The following PSMD3 variants were observed in gnomAD, a reference collection of about 807,000 sequenced individuals.
PSMD3 encodes proteasome 26S subunit, non-ATPase 3, also known as 26S proteasome non-ATPase regulatory subunit 3.
In PSMD3, 5 loss-of-function variants were observed where a neutral mutation model predicts 62.8. That is an observed-to-expected ratio of 0.08 (90% CI 0.04 to 0.17). The LOEUF (loss-of-function observed/expected upper bound fraction) is 0.17, where lower values mean the gene tolerates loss of function less well. PSMD3 is among the 10% of genes least tolerant of loss of function. PSMD3 has a pLI of 1.00. For synonymous variants in PSMD3, 265 were observed against 283.9 expected (o/e 0.93, Z 0.67); for missense variants, 524 against 713.6 (o/e 0.73, Z 3.03).
At position 39,996,750 on chromosome 17, in the gene PSMD3, T is replaced by C. The variant is rs1404439664; in HGVS notation, c.1476+412T>C. 2.1e-6 allele frequency: 1 copy of C among 468,736 alleles called. No homozygotes were observed. Among genetic ancestry groups the C allele is most frequent in the Non-Finnish European group, 4.2e-6 (1 of 235,838 alleles). 29.0% of individuals were successfully genotyped at this position (468,736 alleles called of 1,614,324 possible). On this transcript the variant is annotated intron_variant, in intron 10 of 11. Transcript: ENST00000264639. The surrounding 1 kb of genome is among the most constrained non-coding windows in gnomAD (Gnocchi z 5.1). ...CTGTATTGAGGCACTTAGCGAAGTC[T>C]AAATTGTAAAAAAGATGGCGCTGGT... is the stretch of plus-strand genomic sequence containing the variant.
At position 39,980,855 on chromosome 17, in the gene PSMD3, G is replaced by C; in HGVS notation, c.-116G>C. Reference sequence around the variant, plus strand: ...GTTTGCAGCTGCTCCGTCATCGTGCGGCCCGACGCTATCTCGCGCTCGTGT... The same window carrying C: ...GTTTGCAGCTGCTCCGTCATCGTGCCGCCCGACGCTATCTCGCGCTCGTGT... On this transcript the variant is annotated 5_prime_UTR_variant, in exon 1 of 12. Transcript: ENST00000264639. 1 of 940,988 alleles carries C rather than the reference G, an allele frequency of 1.1e-6. No individual in the cohort carries two copies. Among genetic ancestry groups the C allele is most frequent in the African/African-American group, 1.8e-5 (1 of 56,890 alleles). 58.3% of individuals were successfully genotyped at this position (940,988 alleles called of 1,614,324 possible). A position where few individuals can be genotyped will look rare whatever the true frequency, so the allele number is the denominator to read the frequency against.
chr17:39,990,229 C>A, intron 6 of PSMD3, 32 bp downstream of exon 6: 18 of 1,156,178 alleles, frequency 1.6e-5, no homozygotes, highest in Non-Finnish European at 2.0e-5. Context: ...CCCTTTGCCT[C>A]TTTTTTTTTT....
intron 6 of PSMD3, chr17:39,994,429 A>G (rs1375178094): frequency 6.2e-6 from 1 of 162,552 alleles, no homozygotes; most frequent in Non-Finnish European, 1.4e-5. Flanking sequence ...CCAGGTTTCC[A>G]GTTACCCTTC....
Position 39,996,189 on chromosome 17 carries a change from C to G in PSMD3, c.1327C>G (p.Arg443Gly). 1 of 1,613,800 alleles carries G rather than the reference C, an allele frequency of 6.2e-7. No homozygotes were observed. Among genetic ancestry groups the G allele is most frequent in the Non-Finnish European group, 8.5e-7 (1 of 1,179,976 alleles). The change falls in exon 10 of 12, where the codon CGG becomes GGG. Residue 443 changes from arginine to glycine, a missense_variant. Arg to Gly is a moderately radical substitution (Grantham distance 125). Coordinates refer to ENST00000264639, the MANE Select transcript of PSMD3 (RefSeq NM_002809.4). This position sits in a 1 kb window ranked among gnomAD's most constrained non-coding sequence, Gnocchi z 5.1. Reference sequence around the variant, plus strand: ...CCTCTTTGGGGGCCTGCAGGCCATCCGGGATGGTGTCATTGAGGCCAGCAT... The same window carrying G: ...CCTCTTTGGGGGCCTGCAGGCCATCGGGGATGGTGTCATTGAGGCCAGCAT... ...DAEFIVAKAI[R>G]DGVIEASINH...
Position 39,988,922 on chromosome 17 carries a change from G to GT in PSMD3, c.686+104dup, listed in dbSNP as rs530866490. ...TGCAGAGGGCGAAGAACCTGTAGATGTAAGCAGGGAAGAGGGGCAGTGGTT... is the reference window on the plus strand; with the variant it reads ...TGCAGAGGGCGAAGAACCTGTAGATGTTAAGCAGGGAAGAGGGGCAGTGGTT... On this transcript the variant is annotated intron_variant, in intron 4 of 11. Coordinates refer to ENST00000264639, the MANE Select transcript of PSMD3 (RefSeq NM_002809.4). The GT allele has an allele frequency of 1.7e-3, 2,512 of 1,461,476 alleles. 1 individual carries two copies. Among genetic ancestry groups the GT allele is most frequent in the Non-Finnish European group, 2.2e-3 (2,368 of 1,066,652 alleles). The allele number at this position is 1,461,476 out of a possible 1,614,324, so 90.5% of individuals were successfully genotyped here.
rs192765908 is a variant in PSMD3 at position 39,993,140 on chromosome 17, G to A, written c.982-1814G>A. On this transcript the variant is annotated intron_variant, in intron 6 of 11. Coordinates refer to ENST00000264639, the MANE Select transcript of PSMD3 (RefSeq NM_002809.4). ...TTGGTTTCTTCTGAGGGCCTCTCTC[G>A]TCTGCTTGTCGATGGCCGTCTCCTG... 7 of 152,264 alleles carry A rather than the reference G, an allele frequency of 4.6e-5. No homozygotes were observed. In the East Asian group the frequency reaches 5.8e-4, roughly 13 times the overall value. The allele number at this position is 152,264 out of a possible 1,614,324, so 9.4% of individuals were successfully genotyped here.
rs1282925329 is a variant in PSMD3 at position 39,981,132 on chromosome 17, G to T, written c.162G>T (p.Lys54Asn). The part of the protein sequence containing the change: ...GGGSTGEADG[K>N]TAAAAAEHSQ... ...GGTCGACGGGGGAGGCAGACGGCAA[G>T]ACGGCGGCGGCAGCGGCTGAGCACT... is the stretch of plus-strand genomic sequence containing the variant. The change falls in exon 1 of 12, where the codon AAG (lysine) becomes AAT (asparagine). Residue 54 changes from lysine (K) to asparagine (N), a missense_variant. Physicochemically the swap from Lys to Asn is moderately conservative, Grantham distance 94. Around this residue, in one of 4 missense-constraint regions of PSMD3, gnomAD observed 396 missense variants for 475.8 expected, o/e 0.83. Coordinates refer to ENST00000264639, the MANE Select transcript of PSMD3 (RefSeq NM_002809.4). The T allele has an allele frequency of 1.3e-6, 2 of 1,550,526 alleles. No homozygotes were observed. The highest frequency in any genetic ancestry group is 2.0e-5 in the Admixed American group (1 of 50,996).
chr17:39,992,033 A>AAAAAAAAAAAAAAAAAAAAAAAT, intron 6 of PSMD3, among the ~76,000 whole-genome samples: 1 of 151,652 alleles, frequency 6.6e-6, no homozygotes, highest in Middle Eastern at 3.2e-3. Flanking sequence ...TCAAAAAAAA[A>AAAAAAAAAAAAAAAAAAAAAAAT]CAAACATTAA....
chr17:39,996,262 A>G lies in PSMD3; in HGVS notation c.1400A>G (p.Tyr467Cys), dbSNP rs756701105. The G allele has an allele frequency of 1.2e-6, 2 of 1,614,064 alleles. No homozygotes were observed. The highest frequency in any genetic ancestry group is 1.7e-4 in the Middle Eastern group (1 of 6,044). The change falls in exon 10 of 12, where the codon TAT becomes TGT. Residue 467 changes from tyrosine (Y) to cysteine (C), a missense_variant. Around this residue, in one of 4 missense-constraint regions of PSMD3, gnomAD observed 76 missense variants for 97.3 expected, o/e 0.78. Transcript: ENST00000264639. The surrounding 1 kb of genome is among the most constrained non-coding windows in gnomAD (Gnocchi z 5.1). ...YVQSKEMIDI[Y>C]STREPQLAFH... The stretch of plus-strand genomic sequence containing the variant: ...CAATCCAAGGAGATGATTGACATCT[A>G]TTCCACCCGAGAGCCCCAGCTAGCC...
At chr17:39,986,843 A>G in intron 3 of PSMD3, 131 bp downstream of exon 3, 1 of 1,268,366 alleles carries the variant, frequency 7.9e-7, no homozygotes, top group Non-Finnish European at 1.1e-6. Flanking sequence ...CTCTTTCCCC[A>G]TAGAGGTATG....
In PSMD3 at chr17:39,981,189, G is replaced by A; in HGVS notation, c.219G>A (p.Glu73=). ...SQRELDTVTL[E]DIKEHVKQLE... ...GAGAGCTGGACACAGTCACCTTGGA[G>A]GGTACGGCAGCCCAGGCCGGGAACG... The change falls in exon 1 of 12, where the codon GAG becomes GAA. Residue 73 remains glutamate (E), a splice_region_variant and synonymous_variant. Transcript: ENST00000264639. The A allele has an allele frequency of 6.4e-7, 1 of 1,550,390 alleles. No individual in the cohort carries two copies. The highest frequency in any genetic ancestry group is 1.2e-5 in the South Asian group (1 of 84,050).
Position 39,995,961 on chromosome 17 carries a change from A to G in PSMD3, c.1321-222A>G. 1 of 564,278 alleles carries G rather than the reference A, an allele frequency of 1.8e-6. No homozygotes were observed. Among genetic ancestry groups the G allele is most frequent in the Non-Finnish European group, 3.1e-6 (1 of 322,794 alleles). 35.0% of individuals were successfully genotyped at this position (564,278 alleles called of 1,614,324 possible). On this transcript the variant is annotated intron_variant, in intron 9 of 11. Transcript: ENST00000264639. The surrounding 1 kb of genome is among the most constrained non-coding windows in gnomAD (Gnocchi z 4.1). ...TGGCGAAACCCCATCTCTACTGAAAATACAAAAATTAGCCAGGCCTGGTGG... is the reference window on the plus strand; with the variant it reads ...TGGCGAAACCCCATCTCTACTGAAAGTACAAAAATTAGCCAGGCCTGGTGG...
chr17:39,983,761 A>G (rs556876652), intron 1 of PSMD3, among the ~76,000 whole-genome samples: 1 of 151,972 alleles, frequency 6.6e-6, no homozygotes, highest in African/African-American at 2.4e-5. Flanking sequence ...GTCATCCTCT[A>G]CCCCATCCTG....
At chr17:39,983,940 C>G (rs1598311268) in intron 1 of PSMD3, among the ~76,000 whole-genome samples, 1 of 152,056 alleles carries the variant, frequency 6.6e-6, no homozygotes, top group East Asian at 1.9e-4. Context: ...TGGCTCACGC[C>G]TATAATCCCA....
Position 39,996,043 on chromosome 17 carries a change from CG to C in PSMD3, c.1321-137del. 1.0e-6 allele frequency: 1 copy of C among 1,002,826 alleles called. No homozygotes were observed. Among genetic ancestry groups the C allele is most frequent in the Non-Finnish European group, 1.5e-6 (1 of 666,938 alleles). 62.1% of individuals were successfully genotyped at this position (1,002,826 alleles called of 1,614,324 possible). On this transcript the variant is annotated intron_variant, in intron 9 of 11. Coordinates refer to ENST00000264639, the MANE Select transcript of PSMD3 (RefSeq NM_002809.4). The surrounding 1 kb of genome is among the most constrained non-coding windows in gnomAD (Gnocchi z 5.1). ...CTGAGGCAGGAGAATCGCTTGAACCCGGGAGGTAAAGGTTGCAGTGAGCTGA... is the reference window on the plus strand; with the variant it reads ...CTGAGGCAGGAGAATCGCTTGAACCCGGAGGTAAAGGTTGCAGTGAGCTGA...
Position 39,995,498 on chromosome 17 carries a change from C to A in PSMD3, c.1291C>A (p.Pro431Thr), listed in dbSNP as rs1980761437. The A allele has an allele frequency of 1.2e-6, 2 of 1,613,846 alleles. No individual in the cohort carries two copies. Among genetic ancestry groups the A allele is most frequent in the Admixed American group, 3.3e-5 (2 of 59,986 alleles). Reference sequence around the variant, plus strand: ...CGCCCAGAAGCTGCAGTTGGATAGCCCCGAAGATGCAGAGTTCATTGTTGC... The same window carrying A: ...CGCCCAGAAGCTGCAGTTGGATAGCACCGAAGATGCAGAGTTCATTGTTGC... ...DIAQKLQLDS[P>T]EDAEFIVAKA... The change falls in exon 9 of 12, where the codon CCC (proline) becomes ACC (threonine). Residue 431 changes from proline to threonine, a missense_variant. Pro to Thr is a conservative substitution (Grantham distance 38). Transcript: ENST00000264639. This position sits in a 1 kb window ranked among gnomAD's most constrained non-coding sequence, Gnocchi z 4.1.
chr17:39,984,006 T>C (rs1040719134), intron 1 of PSMD3, among the ~76,000 whole-genome samples: 5 of 152,046 alleles, frequency 3.3e-5, no homozygotes, highest in East Asian at 3.9e-4. Context: ...GAGACCATCC[T>C]GGCTAACACG....
At chr17:39,988,187 T>C (rs1980571326) in intron 3 of PSMD3, among the ~76,000 whole-genome samples, 1 of 152,174 alleles carries the variant, frequency 6.6e-6, no homozygotes, top group South Asian at 2.1e-4. Context: ...TCCAGAACAT[T>C]TTCATCACCC....
intron 1 of PSMD3, among the ~76,000 whole-genome samples, chr17:39,983,246 T>G (rs1254138051): frequency 6.6e-6 from 1 of 152,194 alleles, no homozygotes; most frequent in African/African-American, 2.4e-5. Context: ...TTGGCCAGGC[T>G]GGTCTCCAAC....
Sources: allele counts gnomAD v4.1 joint callset (sites outside exome capture counted in the v4.1 genomes callset), GRCh38; gene constraint gnomAD v4.1.1; regional missense constraint gnomAD v4.1.1; non-coding constraint Gnocchi (gnomAD v3.1); transcripts MANE v1.5; gene names NCBI Gene and HGNC (gene_info 2026-07-23, HGNC 2026-07-21).